SRRM2: variants seen among roughly 807,000 people sequenced by gnomAD.
SRRM2 encodes serine/arginine repetitive matrix protein 2.
SRRM2 carries 30 observed loss-of-function variants against 213.8 expected under a neutral mutation model. That is an observed-to-expected ratio of 0.14 (90% CI 0.10 to 0.19). The LOEUF is 0.19. Among genes scored for constraint, SRRM2 ranks in the 10% least tolerant of loss-of-function variants. The pLI is 1.00. For missense variants in SRRM2, 4,904 were observed against 3,647.0 expected, an observed-to-expected ratio of 1.34 and a Z score of -8.88; for synonymous variants, 2,025 against 1,377.7, an observed-to-expected ratio of 1.47 and a Z score of -10.40.
rs751142801 is a variant in SRRM2 at position 2,766,325 on chromosome 16, C to G, written c.5797C>G (p.Arg1933Gly). 10 of 1,614,122 alleles carry G rather than the reference C, an allele frequency of 6.2e-6. No individual in the cohort carries two copies. The highest frequency in any genetic ancestry group is 8.5e-6 in the Non-Finnish European group (10 of 1,179,984). The change falls in exon 11 of 15, where the codon CGT (arginine) becomes GGT (glycine). Residue 1933 changes from arginine to glycine, a missense_variant. Transcript: ENST00000301740. The surrounding 1 kb of genome is among the most constrained non-coding windows in gnomAD (Gnocchi z 7.0). Reference protein sequence around the residue: ...SRSRTPPVTRRRSRSRTPTTR... With the variant: ...SRSRTPPVTRGRSRSRTPTTR... ...ATCCAGAACGCCACCAGTAACCCGC[C>G]GTCGTTCAAGGTCTAGAACGCCAAC...
rs2068714413 is a variant in SRRM2, at chr16:2,770,706, C to T, written c.8238C>T (p.His2746=). 2 of 1,562,184 alleles carry T rather than the reference C, an allele frequency of 1.3e-6. No homozygotes were observed. Among genetic ancestry groups the T allele is most frequent in the Non-Finnish European group, 1.7e-6 (2 of 1,151,778 alleles). Residue 2746 remains histidine, a synonymous_variant, in exon 14 of 15, where the codon CAC becomes CAT. Coordinates refer to ENST00000301740, the MANE Select transcript of SRRM2 (RefSeq NM_016333.4). Reference sequence around the variant, plus strand: ...CACCTAGCCCTCGGCCCATGAGACACCGCTCCTCCAGGTGCGTGTCCTGGA... The same window carrying T: ...CACCTAGCCCTCGGCCCATGAGACATCGCTCCTCCAGGTGCGTGTCCTGGA... ...RETPSPRPMR[H]RSSRSP is the part of the protein sequence containing the mutation.
At position 2,756,506 on chromosome 16, in the gene SRRM2, GCC is replaced by G; in HGVS notation, c.144_145del (p.Leu49GlyfsTer5). ...GGAGGAACTGCGGCGCCTGGAGGCT[GCC>G]CTGGTGAAGCGGCCTAATCCTGACA... The part of the protein sequence containing the change: ...GEEELRRLEA[A>X]LVKRPNPDIL... On this transcript the variant is annotated frameshift_variant, in exon 2 of 15. Transcript: ENST00000301740. LOFTEE classifies it high-confidence loss of function. 1 of 1,614,090 alleles carries G rather than the reference GCC, an allele frequency of 6.2e-7. No homozygotes were observed. The highest frequency in any genetic ancestry group is 8.5e-7 in the Non-Finnish European group (1 of 1,179,978).
rs113244516 is a variant in SRRM2 at position 2,762,824 on chromosome 16, C to T, written c.2296C>T (p.Arg766Trp). The change falls in exon 11 of 15, where the codon CGG becomes TGG. Residue 766 changes from arginine to tryptophan, a missense_variant. By Grantham distance (101) the Arg-to-Trp change is moderately radical (BLOSUM62 -3). Transcript: ENST00000301740. ...SRRSRSLSSP[R>W]SKAKSRLSLR... Reference sequence around the variant, plus strand: ...GCGGAGCAGGTCTCTCTCTTCACCACGGTCCAAAGCAAAATCTCGCTTGTC... The same window carrying T: ...GCGGAGCAGGTCTCTCTCTTCACCATGGTCCAAAGCAAAATCTCGCTTGTC... The T allele has an allele frequency of 4.9e-5, 79 of 1,614,078 alleles. No individual in the cohort carries two copies. Among genetic ancestry groups the T allele is most frequent in the African/African-American group, 9.3e-5 (7 of 74,922 alleles).
Position 2,763,550 on chromosome 16 carries a change from A to C in SRRM2, c.3022A>C (p.Ser1008Arg). 1 of 1,614,184 alleles carries C rather than the reference A, an allele frequency of 6.2e-7. No individual in the cohort carries two copies. The highest frequency in any genetic ancestry group is 1.1e-5 in the South Asian group (1 of 91,084). The change falls in exon 11 of 15, where the codon AGT becomes CGT. Residue 1008 changes from serine (S) to arginine (R), a missense_variant. Coordinates refer to ENST00000301740, the MANE Select transcript of SRRM2 (RefSeq NM_016333.4). ...AAAGGCCCAAACTCCACCGGGGCCA[A>C]GTCTTTCTGGATCAAAGTCACCATG... is the stretch of plus-strand genomic sequence containing the variant. ...KVKAQTPPGPSLSGSKSPCPQ... is the reference protein window; with the variant it reads ...KVKAQTPPGPRLSGSKSPCPQ...
At chr16:2,770,302 C>A in intron 12 of SRRM2, 50 bp from the exon 13 acceptor site, 1 of 1,517,130 alleles carries the variant, frequency 6.6e-7, no homozygotes, top group South Asian at 1.2e-5. Context: ...GAGTGCTGGC[C>A]CGTGTGCTTG....
chr16:2,757,143 T>C (rs1404810640), intron 2 of SRRM2, among the ~76,000 whole-genome samples: 3 of 152,184 alleles, frequency 2.0e-5, no homozygotes, highest in Non-Finnish European at 4.4e-5. Flanking sequence ...GTGATCCTTT[T>C]ATACAGTATC....
Position 2,765,801 on chromosome 16 carries a change from G to T in SRRM2, c.5273G>T (p.Arg1758Met). ...TCTCCACGCACTAAGACAACCTCAAGGAGAGGCCGCTCTCCTTCGCCAAAG... is the reference window on the plus strand; with the variant it reads ...TCTCCACGCACTAAGACAACCTCAATGAGAGGCCGCTCTCCTTCGCCAAAG... ...ASSPRTKTTS[R>M]RGRSPSPKPR... Residue 1758 changes from arginine to methionine, a missense_variant, in exon 11 of 15, where the codon AGG (arginine) becomes ATG (methionine). Transcript: ENST00000301740. The T allele has an allele frequency of 6.2e-7, 1 of 1,614,046 alleles. No individual in the cohort carries two copies.
At chr16:2,759,274 T>TC in intron 7 of SRRM2, 78 bp from the exon 8 acceptor site, 1 of 1,604,356 alleles carries the variant, frequency 6.2e-7, no homozygotes, top group East Asian at 2.2e-5. Flanking sequence ...GTGTCAACAC[T>TC]CCCTCTTTCC....
rs978943368 is a variant in SRRM2 at position 2,763,686 on chromosome 16, C to T, written c.3158C>T (p.Ser1053Leu). 3.1e-6 allele frequency: 5 copies of T among 1,614,100 alleles called. No individual in the cohort carries two copies. Among genetic ancestry groups the T allele is most frequent in the East Asian group, 4.5e-5 (2 of 44,900 alleles). ...TPPGESYFGVSSLQLKGQSQT... is the reference protein window; with the variant it reads ...TPPGESYFGVLSLQLKGQSQT... The stretch of plus-strand genomic sequence containing the variant: ...CCAGGCGAGAGCTATTTTGGTGTCT[C>T]ATCTCTGCAACTGAAAGGACAATCT... The change falls in exon 11 of 15, where the codon TCA becomes TTA. Residue 1053 changes from serine to leucine, a missense_variant. Ser to Leu is a moderately radical substitution (Grantham distance 145, BLOSUM62 -2). Transcript: ENST00000301740.
In SRRM2 at chr16:2,763,731, G is replaced by C. The variant is rs138424646; in HGVS notation, c.3203G>C (p.Arg1068Thr). The C allele has an allele frequency of 8.1e-6, 13 of 1,614,052 alleles. No homozygotes were observed. The African/African-American group carries it at 1.5e-4, about 18-fold the overall frequency. Residue 1068 changes from arginine (R) to threonine (T), a missense_variant, in exon 11 of 15, where the codon AGA (arginine) becomes ACA (threonine). Physicochemically the swap from Arg to Thr is moderately conservative, Grantham distance 71. Transcript: ENST00000301740. ...KGQSQTSPDH[R>T]SDTSSPEVRQ... is the part of the protein sequence containing the mutation. ...CAATCTCAAACTTCACCAGACCACA[G>C]ATCTGATACTTCAAGTCCAGAAGTG... is the stretch of plus-strand genomic sequence containing the variant.
Position 2,753,186 on chromosome 16 carries a change from T to C in SRRM2, c.-32+340T>C, listed in dbSNP as rs552441424. ...CGAGGTGGCCTTCCTGCAGCTGCCGTTTTCGGCCCTTAAGTGGCGGGGAAG... is the reference window on the plus strand; with the variant it reads ...CGAGGTGGCCTTCCTGCAGCTGCCGCTTTCGGCCCTTAAGTGGCGGGGAAG... On this transcript the variant is annotated intron_variant, in intron 1 of 14. Coordinates refer to ENST00000301740, the MANE Select transcript of SRRM2 (RefSeq NM_016333.4). Among the ~76,000 whole-genome samples the C allele has an allele frequency of 1.9e-3, 290 of 149,820 alleles. 4 individuals are homozygous for C. Among genetic ancestry groups the C allele is most frequent in the African/African-American group, 6.8e-3 (276 of 40,624 alleles).
rs369383992 is a variant in SRRM2 at position 2,765,061 on chromosome 16, C to T, written c.4533C>T (p.Thr1511=). 2 of 1,614,036 alleles carry T rather than the reference C, an allele frequency of 1.2e-6. No homozygotes were observed. The highest frequency in any genetic ancestry group is 1.1e-5 in the South Asian group (1 of 91,082). ...SSPELNNKCL[T]PQRERSGSES... is the part of the protein sequence containing the mutation. ...CAGAGCTCAACAACAAGTGTCTTAC[C>T]CCCCAGAGAGAAAGAAGCGGGTCAG... The change falls in exon 11 of 15, where the codon ACC becomes ACT. Residue 1511 remains threonine (T), a synonymous_variant. Coordinates refer to ENST00000301740, the MANE Select transcript of SRRM2 (RefSeq NM_016333.4).
chr16:2,763,134 G>A lies in SRRM2; in HGVS notation c.2606G>A (p.Arg869Lys), dbSNP rs1221402178. The change falls in exon 11 of 15, where the codon AGA (arginine) becomes AAA (lysine). Residue 869 changes from arginine to lysine, a missense_variant. Coordinates refer to ENST00000301740, the MANE Select transcript of SRRM2 (RefSeq NM_016333.4). The part of the protein sequence containing the change: ...QANEQSVTPQ[R>K]RSCFESSPDP... ...AATGAGCAATCTGTAACGCCACAGAGACGGAGCTGTTTTGAATCATCACCT... is the reference window on the plus strand; with the variant it reads ...AATGAGCAATCTGTAACGCCACAGAAACGGAGCTGTTTTGAATCATCACCT... The A allele has an allele frequency of 2.5e-6, 4 of 1,614,026 alleles. No homozygotes were observed. The highest frequency in any genetic ancestry group is 3.4e-6 in the Non-Finnish European group (4 of 1,180,042).
Position 2,765,109 on chromosome 16 carries a change from T to C in SRRM2, c.4581T>C (p.Thr1527=), listed in dbSNP as rs756340973. ...CAGAATCATCAGTTGATCAGAAAAC[T>C]GTGGCTCGGACTCCCCTGGGGCAGA... ...SGSESSVDQK[T]VARTPLGQRS... The change falls in exon 11 of 15, where the codon ACT becomes ACC. Residue 1527 remains threonine, a synonymous_variant. Transcript: ENST00000301740. 10 of 1,614,126 alleles carry C rather than the reference T, an allele frequency of 6.2e-6. No homozygotes were observed. The highest frequency in any genetic ancestry group is 8.5e-6 in the Non-Finnish European group (10 of 1,180,022).
intron 5 of SRRM2, 47 bp downstream of exon 5, chr16:2,758,594 T>A: frequency 1.3e-6 from 2 of 1,549,424 alleles, no homozygotes; most frequent in East Asian, 4.5e-5. Flanking sequence ...ACCAATCCTG[T>A]GGTGTACCTT....
In SRRM2 at chr16:2,766,276, C is replaced by T. The variant is rs200609731; in HGVS notation, c.5748C>T (p.Ser1916=). The T allele has an allele frequency of 8.1e-6, 13 of 1,614,158 alleles. No individual in the cohort carries two copies. In the African/African-American group the frequency reaches 1.6e-4, roughly 20 times the overall value. ...GACGAAGATCCCGGTCAAGAGCATC[C>T]CCAGTGAGCAGAAGGCGATCCAGAT... ...VTRRRSRSRA[S]PVSRRRSRSR... is the part of the protein sequence containing the mutation. The change falls in exon 11 of 15, where the codon TCC becomes TCT. Residue 1916 remains serine (S), a synonymous_variant. Coordinates refer to ENST00000301740, the MANE Select transcript of SRRM2 (RefSeq NM_016333.4). The surrounding 1 kb of genome is among the most constrained non-coding windows in gnomAD (Gnocchi z 7.0).
chr16:2,766,185 G>A lies in SRRM2; in HGVS notation c.5657G>A (p.Arg1886His), dbSNP rs142561510. 25 of 1,614,042 alleles carry A rather than the reference G, an allele frequency of 1.5e-5. No homozygotes were observed. The African/African-American group carries it at 2.8e-4, about 18-fold the overall frequency. The change falls in exon 11 of 15, where the codon CGT (arginine) becomes CAT (histidine). Residue 1886 changes from arginine to histidine, a missense_variant. Arg to His is a conservative substitution (Grantham distance 29). Coordinates refer to ENST00000301740, the MANE Select transcript of SRRM2 (RefSeq NM_016333.4). This position sits in a 1 kb window ranked among gnomAD's most constrained non-coding sequence, Gnocchi z 7.0. ...TCCAGAACCCCCCTGATAAGCCGAC[G>A]TAGGTCCAGATCTCGAACTTCACCA... ...SRSRTPLISR[R>H]RSRSRTSPVS...
chr16:2,754,616 G>A (rs1315960092), intron 1 of SRRM2, among the ~76,000 whole-genome samples: 1 of 152,110 alleles, frequency 6.6e-6, no homozygotes, highest in Non-Finnish European at 1.5e-5. Context: ...AGGAGTGGGG[G>A]GATTTTTGTG....
Position 2,763,010 on chromosome 16 carries a change from A to G in SRRM2, c.2482A>G (p.Lys828Glu). ...TTCTCCGCCACCTAAACAGAAATCTAAGACACCATCAAGACAAAGTCATTC... is the reference window on the plus strand; with the variant it reads ...TTCTCCGCCACCTAAACAGAAATCTGAGACACCATCAAGACAAAGTCATTC... Reference protein sequence around the residue: ...SSSPPPKQKSKTPSRQSHSSS... With the variant: ...SSSPPPKQKSETPSRQSHSSS... The change falls in exon 11 of 15, where the codon AAG (lysine) becomes GAG (glutamate). Residue 828 changes from lysine to glutamate, a missense_variant. Transcript: ENST00000301740. 1 of 1,614,094 alleles carries G rather than the reference A, an allele frequency of 6.2e-7. No individual in the cohort carries two copies.
Sources: allele counts gnomAD v4.1 joint callset (sites outside exome capture counted in the v4.1 genomes callset), GRCh38; gene constraint gnomAD v4.1.1; non-coding constraint Gnocchi (gnomAD v3.1); transcripts MANE v1.5; gene names NCBI Gene and HGNC (gene_info 2026-07-23, HGNC 2026-07-21).